Variants in DTNA observed in about 807,000 individuals in gnomAD.
DTNA encodes dystrobrevin alpha.
A neutral mutation model predicts 100.7 loss-of-function variants in DTNA; 43 were observed. That is an observed-to-expected ratio of 0.43 (90% CI 0.33 to 0.55). The LOEUF is 0.55. DTNA is among the 20% of genes least tolerant of loss of function. The pLI is 0.04. For synonymous variants in DTNA, 349 were observed against 347.9 expected (o/e 1.00, Z -0.04); for missense variants, 798 against 953.9 (o/e 0.84, Z 2.15).
At chr18:34,673,466 A>G (rs931501814) in intron 1 of DTNA, among the ~76,000 whole-genome samples, 2 of 151,944 alleles carry the variant, frequency 1.3e-5, no homozygotes, top group African/African-American at 4.8e-5. Context: ...CTCGATAAGC[A>G]ACTGTCTTAA....
At chr18:34,650,949 T>C (rs1240974) in intron 1 of DTNA, among the ~76,000 whole-genome samples, 16,354 of 152,198 alleles carry the variant, frequency 0.11, 1,039 homozygotes, top group African/African-American at 0.18. Context: ...ATCCTACTAA[T>C]ATTAGTAGTA....
chr18:34,842,919 G>C (rs2096296908), intron 13 of DTNA, among the ~76,000 whole-genome samples: 1 of 152,106 alleles, frequency 6.6e-6, no homozygotes, highest in Non-Finnish European at 1.5e-5. Context: ...TGGCTGGTTG[G>C]TTGGCTTACT....
chr18:34,799,470 C>T (rs1163340490), intron 4 of DTNA, among the ~76,000 whole-genome samples: 2 of 152,086 alleles, frequency 1.3e-5, no homozygotes, highest in Admixed American at 1.3e-4. Flanking sequence ...ATGTTTGAGA[C>T]TATGTAGATT....
At chr18:34,637,930 A>G (rs764806279) in intron 1 of DTNA, among the ~76,000 whole-genome samples, 3 of 152,226 alleles carry the variant, frequency 2.0e-5, no homozygotes, top group Non-Finnish European at 2.9e-5. Flanking sequence ...AGTCTTTTCC[A>G]TGTGAACTTG....
At chr18:34,724,772 G>A (rs976134439) in intron 1 of DTNA, among the ~76,000 whole-genome samples, 11 of 152,086 alleles carry the variant, frequency 7.2e-5, no homozygotes, top group African/African-American at 1.9e-4. Context: ...AAGATTTGGA[G>A]GGGTCAGATC....
intron 1 of DTNA, among the ~76,000 whole-genome samples, chr18:34,752,931 G>C (rs182432574): frequency 6.6e-6 from 1 of 152,134 alleles, no homozygotes; most frequent in African/African-American, 2.4e-5. Flanking sequence ...ATTAGTTTCT[G>C]TCATTTCAAA....
chr18:34,802,398 T>C (rs2095246380), intron 4 of DTNA, among the ~76,000 whole-genome samples: 1 of 152,246 alleles, frequency 6.6e-6, no homozygotes, highest in Admixed American at 6.5e-5. Flanking sequence ...CCTCATGCAC[T>C]TGTCTTTCTG....
intron 1 of DTNA, among the ~76,000 whole-genome samples, chr18:34,665,012 T>C (rs1359248754): frequency 6.6e-6 from 1 of 151,044 alleles, no homozygotes; most frequent in East Asian, 2.0e-4. Context: ...GGTACTCATC[T>C]CCCCAGAGTC....
rs958760864 is a variant in DTNA, at chr18:34,589,557, C to T, written c.-2+96043C>T. ...CCACAAGGCAGAGCTTGCAGTGAGCCGAGATTGTGCCACTGTACTCCAGCC... is the reference window on the plus strand; with the variant it reads ...CCACAAGGCAGAGCTTGCAGTGAGCTGAGATTGTGCCACTGTACTCCAGCC... On this transcript the variant is annotated intron_variant, in intron 1 of 19. Coordinates refer to the DTNA transcript ENST00000283365. 2.6e-5 allele frequency among the ~76,000 whole-genome samples: 4 copies of T among 151,968 alleles called. No individual in the cohort carries two copies. In the East Asian group the frequency reaches 5.8e-4, roughly 22 times the overall value.
chr18:34,843,201 G>T (rs754566662), intron 13 of DTNA, among the ~76,000 whole-genome samples: 1 of 152,012 alleles, frequency 6.6e-6, no homozygotes, highest in Admixed American at 6.6e-5. Context: ...TTTAGTATAG[G>T]AGTATAAAAT....
At chr18:34,674,597 C>G (rs901399184) in intron 1 of DTNA, among the ~76,000 whole-genome samples, 5 of 152,148 alleles carry the variant, frequency 3.3e-5, no homozygotes, top group African/African-American at 1.2e-4. Flanking sequence ...CTTTGACGTT[C>G]TTAGGCTGAT....
At position 34,875,266 on chromosome 18, in the gene DTNA, TC is replaced by T; in HGVS notation, c.1776del (p.Ser593AlafsTer32). On this transcript the variant is annotated frameshift_variant, in exon 18 of 23. Transcript: ENST00000444659. ...KTQGAGSPRS[S>X]PSHTISRPIP... ...TCAGGGGGCAGGCTCTCCCCGCTCCTCCCCCAGCCACACCATCAGCAGGCCA... is the reference window on the plus strand; with the variant it reads ...TCAGGGGGCAGGCTCTCCCCGCTCCTCCCCAGCCACACCATCAGCAGGCCA... 1 of 1,612,438 alleles carries T rather than the reference TC, an allele frequency of 6.2e-7. No homozygotes were observed. The highest frequency in any genetic ancestry group is 8.5e-7 in the Non-Finnish European group (1 of 1,179,644).
chr18:34,771,431 T>C (rs191044918), intron 3 of DTNA, among the ~76,000 whole-genome samples: 291 of 151,616 alleles, frequency 1.9e-3, no homozygotes, highest in Admixed American at 4.6e-3. Flanking sequence ...CCCGGGGAGG[T>C]GGAGATTGCA....
At chr18:34,749,287 T>C (rs12963381) in intron 1 of DTNA, among the ~76,000 whole-genome samples, 11,718 of 152,168 alleles carry the variant, frequency 0.077, 523 homozygotes, top group African/African-American at 0.1. Context: ...GGTTTCTTCT[T>C]TCCAATTTGT....
chr18:34,610,030 A>G (rs965073597), intron 1 of DTNA, among the ~76,000 whole-genome samples: 1 of 152,078 alleles, frequency 6.6e-6, no homozygotes, highest in African/African-American at 2.4e-5. Flanking sequence ...CTATATATAT[A>G]TATATTATTT....
At chr18:34,731,742 C>G (rs1300672616) in intron 1 of DTNA, among the ~76,000 whole-genome samples, 2 of 152,166 alleles carry the variant, frequency 1.3e-5, no homozygotes, top group Non-Finnish European at 2.9e-5. Flanking sequence ...TCTTGTTTAC[C>G]TGTGTGTCAC....
chr18:34,691,465 C>A (rs2079753827), intron 1 of DTNA, among the ~76,000 whole-genome samples: 1 of 152,186 alleles, frequency 6.6e-6, no homozygotes, highest in African/African-American at 2.4e-5. Context: ...ACCTATAAAA[C>A]AAAGCACAGT....
intron 4 of DTNA, among the ~76,000 whole-genome samples, chr18:34,803,782 A>T (rs767199458): frequency 1.1e-4 from 16 of 152,220 alleles, no homozygotes; most frequent in Non-Finnish European, 2.1e-4. Context: ...GTTTTTACAA[A>T]ATCATTGCAT....
At chr18:34,829,771 T>G (rs1025492499) in intron 11 of DTNA, among the ~76,000 whole-genome samples, 18 of 152,250 alleles carry the variant, frequency 1.2e-4, no homozygotes, top group Non-Finnish European at 1.5e-4. Flanking sequence ...TGGACAAGTC[T>G]CTGCTTTTGT....
Sources: allele counts gnomAD v4.1 joint callset (sites outside exome capture counted in the v4.1 genomes callset), GRCh38; gene constraint gnomAD v4.1.1; transcripts MANE v1.5; gene names NCBI Gene and HGNC (gene_info 2026-07-23, HGNC 2026-07-21).